The following LDLRAP1 variants were observed in gnomAD, a reference collection of about 807,000 sequenced individuals.
The protein encoded by LDLRAP1 is low density lipoprotein receptor adaptor protein 1.
In LDLRAP1, 30 loss-of-function variants were observed where a neutral mutation model predicts 37.8. The observed-to-expected ratio is 0.79, with a 90% confidence interval of 0.59 to 1.08. The LOEUF (loss-of-function observed/expected upper bound fraction) is 1.08. Ranked by LOEUF, LDLRAP1 falls within the 50% of genes least tolerant of loss-of-function variation. LDLRAP1 has a pLI of 0.00. For synonymous variants in LDLRAP1, 156 were observed against 169.8 expected, an observed-to-expected ratio of 0.92 and a Z score of 0.63; for missense variants, 375 against 401.6, an observed-to-expected ratio of 0.93 and a Z score of 0.57.
At position 25,565,236 on chromosome 1, in the gene LDLRAP1, G is replaced by A. The variant is rs537555777; in HGVS notation, c.782+29G>A. The A allele has an allele frequency of 2.5e-6, 4 of 1,613,816 alleles. No individual in the cohort carries two copies. In the African/African-American group the frequency reaches 4.0e-5, roughly 16 times the overall value. Reference sequence around the variant, plus strand: ...ATGCTAGCTTCCTGTGCTGGGTAGGGGGCCTGGTGTGCGTGGGCTGGCCCT... The same window carrying A: ...ATGCTAGCTTCCTGTGCTGGGTAGGAGGCCTGGTGTGCGTGGGCTGGCCCT... On this transcript the variant is annotated intron_variant, in intron 8 of 8. Coordinates refer to ENST00000374338, the MANE Select transcript of LDLRAP1 (RefSeq NM_015627.3).
rs1209935158 is a variant in LDLRAP1 at position 25,543,659 on chromosome 1, GT to G, written c.-36del. 5.8e-6 allele frequency: 7 copies of G among 1,200,614 alleles called. No homozygotes were observed. The highest frequency in any genetic ancestry group is 7.3e-6 in the Non-Finnish European group (7 of 965,490). 74.4% of individuals were successfully genotyped at this position (1,200,614 alleles called of 1,614,324 possible). The stretch of plus-strand genomic sequence containing the variant: ...CGGGCGGAAAGTTTTTCCTGACGGA[GT>G]TTTGGCTGCGGCAGCGGCGGCGGCG... On this transcript the variant is annotated 5_prime_UTR_variant, in exon 1 of 9. Coordinates refer to ENST00000374338, the MANE Select transcript of LDLRAP1 (RefSeq NM_015627.3).
the LDLRAP1 span, among the ~76,000 whole-genome samples, chr1:25,582,612 CTT>C: frequency 6.6e-6 from 1 of 151,304 alleles, no homozygotes; most frequent in Non-Finnish European, 1.5e-5. Flanking sequence ...ACCATTTTGA[CTT>C]TTTAAAGTAT....
rs375653778 is a variant in LDLRAP1 at position 25,564,197 on chromosome 1, G to C, written c.747+406G>C. 1.3e-5 allele frequency: 4 copies of C among 316,512 alleles called. No individual in the cohort carries two copies. The East Asian group carries it at 2.5e-4, about 20-fold the overall frequency. 19.6% of individuals were successfully genotyped at this position (316,512 alleles called of 1,614,324 possible). ...GGTCCCTGACTCCCTCAGGGACTCA[G>C]GGCAAGCCCCCTGACCTCTCTGTCT... is the stretch of plus-strand genomic sequence containing the variant. On this transcript the variant is annotated intron_variant, in intron 7 of 8. Coordinates refer to ENST00000374338, the MANE Select transcript of LDLRAP1 (RefSeq NM_015627.3).
the LDLRAP1 span, among the ~76,000 whole-genome samples, chr1:25,589,663 G>T: frequency 6.6e-5 from 10 of 152,280 alleles, no homozygotes; most frequent in Non-Finnish European, 1.2e-4. Flanking sequence ...ATCTTCTCCC[G>T]CCCTCCAGCA....
the LDLRAP1 span, among the ~76,000 whole-genome samples, chr1:25,579,600 G>A: frequency 6.6e-6 from 1 of 152,234 alleles, no homozygotes; most frequent in African/African-American, 2.4e-5. Flanking sequence ...AGCCAAGAAT[G>A]TAGGGATTTA....
chr1:25,567,453 C>G lies in LDLRAP1; in HGVS notation c.*461C>G, dbSNP rs965636455. On this transcript the variant is annotated 3_prime_UTR_variant, in exon 9 of 9. Transcript: ENST00000374338. ...TTTCAGTGATTTTTCCCCCCACCCC[C>G]CAGCACAGGAGAGCACCCACAGCCG... is the stretch of plus-strand genomic sequence containing the variant. 10 of 314,770 alleles carry G rather than the reference C, an allele frequency of 3.2e-5. No individual in the cohort carries two copies. The Admixed American group carries it at 3.8e-4, about 12-fold the overall frequency. 19.5% of individuals were successfully genotyped at this position (314,770 alleles called of 1,614,324 possible).
rs561594503 is a variant in LDLRAP1, at chr1:25,557,150, C to T, written c.345-3C>T. ...CTGGTGATGCTTCCTCCTTGCCTTT[C>T]AGGATCTCCTATTGCACAGCAGACA... On this transcript the variant is annotated splice_polypyrimidine_tract_variant and splice_region_variant and intron_variant, in intron 3 of 8. Coordinates refer to ENST00000374338, the MANE Select transcript of LDLRAP1 (RefSeq NM_015627.3). 1.2e-6 allele frequency: 2 copies of T among 1,611,832 alleles called. No homozygotes were observed. Among genetic ancestry groups the T allele is most frequent in the African/African-American group, 1.3e-5 (1 of 75,004 alleles).
Position 25,555,253 on chromosome 1 carries a change from C to T in LDLRAP1, c.344+281C>T, listed in dbSNP as rs1468112720. On this transcript the variant is annotated intron_variant, in intron 3 of 8. Coordinates refer to ENST00000374338, the MANE Select transcript of LDLRAP1 (RefSeq NM_015627.3). The surrounding 1 kb of genome is among the most constrained non-coding windows in gnomAD (Gnocchi z 4.7). The stretch of plus-strand genomic sequence containing the variant: ...AGCTGAGCCCACCCGTGCCCTTCCC[C>T]CCTACTCCCCACCAGCATGCCGCTG... Among the ~76,000 whole-genome samples, 1 of 152,234 alleles carries T rather than the reference C, an allele frequency of 6.6e-6. No homozygotes were observed. Among genetic ancestry groups the T allele is most frequent in the Non-Finnish European group, 1.5e-5 (1 of 68,030 alleles).
intron 4 of LDLRAP1, among the ~76,000 whole-genome samples, chr1:25,557,862 A>G (rs1185149716): frequency 1.3e-5 from 2 of 150,346 alleles, no homozygotes; most frequent in Admixed American, 6.6e-5. Flanking sequence ...CAAGGTGGCA[A>G]CTGTTACTCT....
chr1:25,582,380 A>C, the LDLRAP1 span, among the ~76,000 whole-genome samples: 1 of 152,036 alleles, frequency 6.6e-6, no homozygotes, highest in African/African-American at 2.4e-5. Context: ...AGATATGGAG[A>C]TCGAGACCAT....
intron 7 of LDLRAP1, 34 bp downstream of exon 7, chr1:25,563,825 C>T (rs2044410175): frequency 1.9e-6 from 3 of 1,612,632 alleles, no homozygotes; most frequent in Non-Finnish European, 2.5e-6. Context: ...ATCGGTGATC[C>T]TCAGCCTGAC....
intron 1 of LDLRAP1, among the ~76,000 whole-genome samples, chr1:25,552,884 C>A (rs1021757498): frequency 6.6e-6 from 1 of 152,138 alleles, no homozygotes; most frequent in African/African-American, 2.4e-5. Flanking sequence ...GAGAACTCTC[C>A]TTGTGGACTC....
rs1362988033 is a variant in LDLRAP1 at position 25,544,360 on chromosome 1, G to T, written c.88+574G>T. 6.6e-6 allele frequency among the ~76,000 whole-genome samples: 1 copy of T among 152,210 alleles called. No homozygotes were observed. Among genetic ancestry groups the T allele is most frequent in the African/African-American group, 2.4e-5 (1 of 41,464 alleles). ...GTCGCAGGTACGTACTTGAAATTGGGAACGAGGCCCCGCCTGGGGTGCCTC... is the reference window on the plus strand; with the variant it reads ...GTCGCAGGTACGTACTTGAAATTGGTAACGAGGCCCCGCCTGGGGTGCCTC... On this transcript the variant is annotated intron_variant, in intron 1 of 8. Coordinates refer to ENST00000374338, the MANE Select transcript of LDLRAP1 (RefSeq NM_015627.3). The surrounding 1 kb of genome is among the most constrained non-coding windows in gnomAD (Gnocchi z 4.8).
chr1:25,582,985 T>A, the LDLRAP1 span, among the ~76,000 whole-genome samples: 3 of 151,158 alleles, frequency 2.0e-5, no homozygotes, highest in African/African-American at 7.3e-5. Context: ...GGCAGGAGAA[T>A]CACTTGAACC....
At chr1:25,552,039 A>G (rs553947865) in intron 1 of LDLRAP1, among the ~76,000 whole-genome samples, 1 of 152,240 alleles carries the variant, frequency 6.6e-6, no homozygotes, top group East Asian at 1.9e-4. Flanking sequence ...TCAGAGAGGG[A>G]CAGTGGCTTG....
the LDLRAP1 span, among the ~76,000 whole-genome samples, chr1:25,587,847 G>T: frequency 6.6e-6 from 1 of 152,182 alleles, no homozygotes; most frequent in Non-Finnish European, 1.5e-5. Context: ...TGGGTCAGGT[G>T]TGTGTGGGGA....
chr1:25,543,732 A>G lies in LDLRAP1; in HGVS notation c.34A>G (p.Ile12Val), dbSNP rs1250534468. The change falls in exon 1 of 9, where the codon ATC becomes GTC. Residue 12 changes from isoleucine to valine, a missense_variant. Physicochemically the swap from Ile to Val is conservative, Grantham distance 29. Coordinates refer to ENST00000374338, the MANE Select transcript of LDLRAP1 (RefSeq NM_015627.3). ...GCTCAAGTCGGCGGGGCGGGCGCTG[A>G]TCCGGAGCCCCAGCTTGGCCAAGCA... The part of the protein sequence containing the change: ...DALKSAGRAL[I>V]RSPSLAKQSW... 2.2e-5 allele frequency: 27 copies of G among 1,212,864 alleles called. No homozygotes were observed. The highest frequency in any genetic ancestry group is 2.8e-5 in the Non-Finnish European group (27 of 975,966). 75.1% of individuals were successfully genotyped at this position (1,212,864 alleles called of 1,614,324 possible). A position where few individuals can be genotyped will look rare whatever the true frequency, so the allele number is the denominator to read the frequency against.
chr1:25,555,026 G>C lies in LDLRAP1; in HGVS notation c.344+54G>C. ...ACTCTGCCACTTGGGGCAGTGGGTGGAGTATCCCATCTGAATCCAGGCTCT... is the reference window on the plus strand; with the variant it reads ...ACTCTGCCACTTGGGGCAGTGGGTGCAGTATCCCATCTGAATCCAGGCTCT... On this transcript the variant is annotated intron_variant, in intron 3 of 8. Transcript: ENST00000374338. The surrounding 1 kb of genome is among the most constrained non-coding windows in gnomAD (Gnocchi z 4.7). 1 of 1,288,208 alleles carries C rather than the reference G, an allele frequency of 7.8e-7. No homozygotes were observed. Among genetic ancestry groups the C allele is most frequent in the Non-Finnish European group, 1.1e-6 (1 of 886,390 alleles). 79.8% of individuals were successfully genotyped at this position (1,288,208 alleles called of 1,614,324 possible). A position where few individuals can be genotyped will look rare whatever the true frequency, so the allele number is the denominator to read the frequency against.
the LDLRAP1 span, among the ~76,000 whole-genome samples, chr1:25,585,331 G>GTT: frequency 4.2e-5 from 6 of 143,426 alleles, no homozygotes; most frequent in African/African-American, 1.0e-4. Context: ...TTTATTTTTT[G>GTT]TTTTTTTTTT....
Sources: allele counts gnomAD v4.1 joint callset (sites outside exome capture counted in the v4.1 genomes callset), GRCh38; gene constraint gnomAD v4.1.1; non-coding constraint Gnocchi (gnomAD v3.1); transcripts MANE v1.5; gene names NCBI Gene and HGNC (gene_info 2026-07-23, HGNC 2026-07-21).